Variants in NPAT observed in about 807,000 individuals in gnomAD.
NPAT encodes protein NPAT.
Under a neutral mutation model 130.7 loss-of-function variants are expected in NPAT, and 52 were observed. The observed-to-expected ratio is 0.40, with a 90% CI of 0.32 to 0.50. The LOEUF (loss-of-function observed/expected upper bound fraction) is 0.50. Ranked by LOEUF, NPAT falls within the 20% of genes least tolerant of loss-of-function variation. NPAT has a pLI of 0.68. For missense variants in NPAT, 1,687 were observed against 1,662.6 expected (o/e 1.01, Z -0.26); for synonymous variants, 580 against 584.8 (o/e 0.99, Z 0.12).
intron 1 of NPAT, among the ~76,000 whole-genome samples, chr11:108,209,615 C>A (rs970824630): frequency 2.6e-5 from 4 of 152,148 alleles, no homozygotes; most frequent in Admixed American, 6.5e-5. Context: ...TTGGGCCAGG[C>A]ACGGTGGCTC....
In NPAT at chr11:108,161,398, G is replaced by A. The variant is rs778785853; in HGVS notation, c.3688C>T (p.Leu1230=). Residue 1230 remains leucine, a synonymous_variant, in exon 17 of 18, where the codon CTA becomes TTA. Coordinates refer to ENST00000278612, the MANE Select transcript of NPAT (RefSeq NM_002519.3). ...VLSVGTAVKD[L]KQEQTKSASS... ...GCGGATTTAGTTTGTTCTTGTTTTAGATCCTTCACAGCTGTACCTACTGAA... is the reference window on the plus strand; with the variant it reads ...GCGGATTTAGTTTGTTCTTGTTTTAAATCCTTCACAGCTGTACCTACTGAA... 7 of 1,613,998 alleles carry A rather than the reference G, an allele frequency of 4.3e-6. No individual in the cohort carries two copies. The highest frequency in any genetic ancestry group is 5.9e-6 in the Non-Finnish European group (7 of 1,180,028).
intron 1 of NPAT, among the ~76,000 whole-genome samples, chr11:108,210,309 G>A (rs1477402658): frequency 6.6e-6 from 1 of 152,168 alleles, no homozygotes; most frequent in East Asian, 1.9e-4. Context: ...TGTTGGAGGT[G>A]GGGCCTGGTG....
At chr11:108,203,338 G>C (rs1477623620) in intron 1 of NPAT, among the ~76,000 whole-genome samples, 2 of 152,056 alleles carry the variant, frequency 1.3e-5, no homozygotes, top group Admixed American at 6.5e-5. Context: ...TTCAACCCAG[G>C]GGACATAGTA....
chr11:108,162,870 A>G (rs182785936), intron 15 of NPAT, among the ~76,000 whole-genome samples: 89 of 152,276 alleles, frequency 5.8e-4, no homozygotes, highest in South Asian at 1.7e-3. Flanking sequence ...CCCGGTACCT[A>G]TCATGTTTAC....
intron 4 of NPAT, among the ~76,000 whole-genome samples, chr11:108,190,977 G>A (rs1354828787): frequency 6.6e-6 from 1 of 152,150 alleles, no homozygotes; most frequent in East Asian, 1.9e-4. Context: ...GCTGAGGTGG[G>A]AGAAACTTTT....
intron 2 of NPAT, among the ~76,000 whole-genome samples, chr11:108,196,840 AG>A (rs1172488018): frequency 6.6e-6 from 1 of 152,222 alleles, no homozygotes; most frequent in Non-Finnish European, 1.5e-5. Flanking sequence ...GCCTTTAAGG[AG>A]CCATGATTAA....
At chr11:108,211,259 A>T (rs1295739354) in intron 1 of NPAT, among the ~76,000 whole-genome samples, 1 of 151,828 alleles carries the variant, frequency 6.6e-6, no homozygotes, top group Non-Finnish European at 1.5e-5. Flanking sequence ...AGTCCTCAAC[A>T]GGGTGGGCAC....
chr11:108,200,822 C>T (rs527483039), intron 1 of NPAT, among the ~76,000 whole-genome samples: 79 of 152,316 alleles, frequency 5.2e-4, no homozygotes, highest in Non-Finnish European at 2.5e-4. Context: ...TCCCTATACC[C>T]TACTAACTCA....
intron 10 of NPAT, among the ~76,000 whole-genome samples, chr11:108,179,026 C>T (rs1277263395): frequency 2.0e-5 from 3 of 152,116 alleles, no homozygotes; most frequent in Non-Finnish European, 4.4e-5. Flanking sequence ...TAAAGGCAAA[C>T]ATGTAGACCA....
intron 15 of NPAT, 54 bp from the exon 16 acceptor site, chr11:108,162,234 G>GAGTAT: frequency 2.0e-6 from 3 of 1,482,714 alleles, no homozygotes; most frequent in Non-Finnish European, 2.8e-6. Flanking sequence ...TCTGAAAGAG[G>GAGTAT]ATAGAACAGA....
At chr11:108,191,427 AAT>A (rs2078168140) in intron 4 of NPAT, among the ~76,000 whole-genome samples, 1 of 152,226 alleles carries the variant, frequency 6.6e-6, no homozygotes. Flanking sequence ...TATCATAAAA[AAT>A]ATGTCAAGTA....
At chr11:108,178,746 T>C (rs550542058) in intron 10 of NPAT, among the ~76,000 whole-genome samples, 8 of 152,128 alleles carry the variant, frequency 5.3e-5, no homozygotes, top group Non-Finnish European at 1.0e-4. Context: ...TAATCCCAGC[T>C]ACTTGGGAGG....
At chr11:108,173,980 T>TA in intron 12 of NPAT, 129 bp from the exon 13 acceptor site, 1 of 798,142 alleles carries the variant, frequency 1.3e-6, no homozygotes, top group Non-Finnish European at 2.1e-6. Flanking sequence ...GGAAGTCTGA[T>TA]ACGCTGTGTT....
rs113685248 is a variant in NPAT at position 108,210,731 on chromosome 11, C to T, written c.37+11769G>A. On this transcript the variant is annotated intron_variant, in intron 1 of 17. Coordinates refer to ENST00000278612, the MANE Select transcript of NPAT (RefSeq NM_002519.3). Reference sequence around the variant, plus strand: ...GAATTTGTAATAAAGAAACCTCTCACGAGGAAAAGCCCAACTGGGATCAAA... The same window carrying T: ...GAATTTGTAATAAAGAAACCTCTCATGAGGAAAAGCCCAACTGGGATCAAA... Among the ~76,000 whole-genome samples the T allele has an allele frequency of 7.2e-3, 1,099 of 152,292 alleles. 7 individuals are homozygous for T. The highest frequency in any genetic ancestry group is 0.023 in the African/African-American group (967 of 41,556).
At chr11:108,181,929 T>C (rs990413442) in intron 10 of NPAT, among the ~76,000 whole-genome samples, 7 of 152,308 alleles carry the variant, frequency 4.6e-5, no homozygotes, top group Middle Eastern at 3.4e-3. Flanking sequence ...TTATCCATAG[T>C]GCTGTCATGG....
intron 1 of NPAT, among the ~76,000 whole-genome samples, chr11:108,204,968 A>G (rs2078311618): frequency 6.6e-6 from 1 of 151,498 alleles, no homozygotes; most frequent in Non-Finnish European, 1.5e-5. Context: ...GAAACGTGCA[A>G]ATTTGAGAAA....
At chr11:108,214,599 G>A (rs147707469) in intron 1 of NPAT, among the ~76,000 whole-genome samples, 100 of 150,956 alleles carry the variant, frequency 6.6e-4, no homozygotes, top group African/African-American at 2.4e-3. Context: ...TGTAGTATGT[G>A]CATCATATCT....
intron 1 of NPAT, among the ~76,000 whole-genome samples, chr11:108,207,816 G>A (rs775088408): frequency 6.6e-6 from 1 of 152,188 alleles, no homozygotes; most frequent in Non-Finnish European, 1.5e-5. Flanking sequence ...ACTTGGAAGG[G>A]GACAGGGCAC....
chr11:108,207,401 A>G (rs889050005), intron 1 of NPAT, among the ~76,000 whole-genome samples: 1 of 152,212 alleles, frequency 6.6e-6, no homozygotes, highest in Admixed American at 6.5e-5. Context: ...CTAGGAGACC[A>G]TCTGCCTCCT....
Sources: allele counts gnomAD v4.1 joint callset (sites outside exome capture counted in the v4.1 genomes callset), GRCh38; gene constraint gnomAD v4.1.1; transcripts MANE v1.5; gene names NCBI Gene and HGNC (gene_info 2026-07-23, HGNC 2026-07-21).